Variants in SET observed in about 807,000 individuals in gnomAD.
SET encodes protein SET.
A neutral mutation model predicts 39.0 loss-of-function variants in SET; 4 were observed. The observed-to-expected ratio is 0.10, with a 90% confidence interval of 0.05 to 0.23. SET has a LOEUF of 0.23. Ranked by LOEUF, SET falls within the 10% of genes least tolerant of loss-of-function variation. The pLI is 1.00. For missense variants in SET, 137 were observed against 329.7 expected, an observed-to-expected ratio of 0.42 and a Z score of 4.53; for synonymous variants, 114 against 115.9, an observed-to-expected ratio of 0.98 and a Z score of 0.11.
In SET at chr9:128,691,932, A is replaced by G; in HGVS notation, c.206A>G (p.Gln69Arg). Reference sequence around the variant, plus strand: ...AACAAACTCCGCCAACCATTTTTTCAGAAGAGGTCAGAATTGATCGCCAAA... The same window carrying G: ...AACAAACTCCGCCAACCATTTTTTCGGAAGAGGTCAGAATTGATCGCCAAA... Reference protein sequence around the residue: ...KYNKLRQPFFQKRSELIAKIP... With the variant: ...KYNKLRQPFFRKRSELIAKIP... Residue 69 changes from glutamine to arginine, a missense_variant, in exon 3 of 8, where the codon CAG becomes CGG. By Grantham distance (43) the Gln-to-Arg change is conservative. Around this residue, in one of 3 missense-constraint regions of SET, gnomAD observed 59 missense variants for 237.2 expected, o/e 0.25. Coordinates refer to ENST00000322030, the MANE Select transcript of SET (RefSeq NM_003011.4). The G allele has an allele frequency of 6.2e-7, 1 of 1,613,810 alleles. No individual in the cohort carries two copies.
At chr9:128,688,260 G>T (rs1861356228), upstream of SET, among the ~76,000 whole-genome samples, 1 of 152,182 alleles carries the variant, frequency 6.6e-6, no homozygotes, top group Admixed American at 6.5e-5. Context: ...GGCTTTTTAT[G>T]GTTCATGTCT....
At chr9:128,685,698 C>T (rs1861258762), upstream of SET, among the ~76,000 whole-genome samples, 1 of 152,202 alleles carries the variant, frequency 6.6e-6, no homozygotes, top group Non-Finnish European at 1.5e-5. Context: ...CAGCCTCTCT[C>T]TGTTCCAGTC....
At position 128,696,334 on chromosome 9, in the gene SET, T is replaced by C. The variant is rs1435115029; in HGVS notation, c.*1670T>C. ...TCTGCACAGGTCTCTGTTTAGTAAA[T>C]ACATCACTGTATACCGATCAGGAAT... is the stretch of plus-strand genomic sequence containing the variant. On this transcript the variant is annotated 3_prime_UTR_variant, in exon 8 of 8. Transcript: ENST00000322030. The C allele has an allele frequency of 3.7e-5, 7 of 186,918 alleles. No individual in the cohort carries two copies. The highest frequency in any genetic ancestry group is 8.0e-5 in the Non-Finnish European group (7 of 87,832). The allele number at this position is 186,918 out of a possible 1,614,324, so 11.6% of individuals were successfully genotyped here.
At position 128,692,778 on chromosome 9, in the gene SET, AACTT is replaced by A; in HGVS notation, c.378+15_378+18del. ...CAGAATAGATTTTGTAAGTATCTCT[AACTT>A]AATCTTGTTTGCCACTGTGGAAATT... On this transcript the variant is annotated intron_variant, in intron 4 of 7. Transcript: ENST00000322030. 2 of 1,570,818 alleles carry A rather than the reference AACTT, an allele frequency of 1.3e-6. No individual in the cohort carries two copies. Among genetic ancestry groups the A allele is most frequent in the Non-Finnish European group, 1.8e-6 (2 of 1,140,618 alleles).
upstream of SET, among the ~76,000 whole-genome samples, chr9:128,688,687 G>C (rs1044344431): frequency 2.6e-5 from 4 of 152,220 alleles, no homozygotes; most frequent in Non-Finnish European, 4.4e-5. Flanking sequence ...ACCCAGGAAT[G>C]GCCCTGCGCG....
In SET at chr9:128,691,820, A is replaced by T. The variant is rs76852549; in HGVS notation, c.132-38A>T. The T allele has an allele frequency of 4.3e-4, 676 of 1,579,994 alleles. 1 individual carries two copies. The African/African-American group carries it at 8.3e-3, about 19-fold the overall frequency. ...CTCAACCAATTTTTTAATTTGTTAA[A>T]TACTATCATTGTCAACATCTCTTTT... On this transcript the variant is annotated intron_variant, in intron 2 of 7. Coordinates refer to ENST00000322030, the MANE Select transcript of SET (RefSeq NM_003011.4).
chr9:128,690,886 T>A (rs920092339), intron 1 of SET, among the ~76,000 whole-genome samples: 1 of 152,240 alleles, frequency 6.6e-6, no homozygotes, highest in African/African-American at 2.4e-5. Context: ...TCTGTGTCTT[T>A]CATAGTAGAA....
chr9:128,696,381 A>G lies in SET; in HGVS notation c.*1717A>G, dbSNP rs1372404109. On this transcript the variant is annotated 3_prime_UTR_variant, in exon 8 of 8. Coordinates refer to ENST00000322030, the MANE Select transcript of SET (RefSeq NM_003011.4). Reference sequence around the variant, plus strand: ...GAATCTTGCTCCAATAAAGGAACATAAAGATTTTTTTTGGACTGGGGTCAT... The same window carrying G: ...GAATCTTGCTCCAATAAAGGAACATGAAGATTTTTTTTGGACTGGGGTCAT... 2.2e-5 allele frequency: 4 copies of G among 180,532 alleles called. No homozygotes were observed. The highest frequency in any genetic ancestry group is 1.8e-4 in the East Asian group (2 of 11,006). 11.2% of individuals were successfully genotyped at this position (180,532 alleles called of 1,614,324 possible). A position where few individuals can be genotyped will look rare whatever the true frequency, so the allele number is the denominator to read the frequency against.
At chr9:128,694,110 A>ATG (rs889015798) in intron 7 of SET, 68 bp downstream of exon 7, 4 of 1,299,120 alleles carry the variant, frequency 3.1e-6, no homozygotes, top group African/African-American at 3.0e-5. Context: ...TGGGGTGTAT[A>ATG]TATATATATA....
rs763009726 is a variant in SET at position 128,692,945 on chromosome 9, T to C, written c.456T>C (p.Ser152=). The change falls in exon 5 of 8, where the codon TCT becomes TCC. Residue 152 remains serine, a synonymous_variant. Transcript: ENST00000322030. ...ATCTGAATGAGAGTGGTGATCCATC[T>C]TCGAAGTCCACCGAAATCAAATGGA... The part of the protein sequence containing the change: ...EFHLNESGDP[S]SKSTEIKWKS... The C allele has an allele frequency of 4.4e-6, 7 of 1,605,794 alleles. No homozygotes were observed. Among genetic ancestry groups the C allele is most frequent in the Non-Finnish European group, 6.0e-6 (7 of 1,173,042 alleles).
upstream of SET, among the ~76,000 whole-genome samples, chr9:128,688,434 T>C (rs1861362855): frequency 1.3e-5 from 2 of 152,160 alleles, no homozygotes; most frequent in Admixed American, 6.5e-5. Context: ...CGCTTGGGGC[T>C]GTTGTGAGGC....
Position 128,689,553 on chromosome 9 carries a change from C to A in SET, c.-30C>A. 2 of 1,285,398 alleles carry A rather than the reference C, an allele frequency of 1.6e-6. No homozygotes were observed. The highest frequency in any genetic ancestry group is 3.4e-5 in the East Asian group (1 of 29,800). The allele number at this position is 1,285,398 out of a possible 1,614,324, so 79.6% of individuals were successfully genotyped here. Reference sequence around the variant, plus strand: ...TTCGCCTTCCCTTCTCTCCCCCTCCCCGCTCCCCCCCCGACCGCGGAGCAG... The same window carrying A: ...TTCGCCTTCCCTTCTCTCCCCCTCCACGCTCCCCCCCCGACCGCGGAGCAG... On this transcript the variant is annotated 5_prime_UTR_variant, in exon 1 of 8. Transcript: ENST00000322030.
At chr9:128,692,153 G>A (rs563467010) in intron 3 of SET, among the ~76,000 whole-genome samples, 153 bp downstream of exon 3, 9 of 152,086 alleles carry the variant, frequency 5.9e-5, no homozygotes, top group Non-Finnish European at 1.0e-4. Context: ...TTGGGAGGCC[G>A]AGGTGGGTGG....
In SET at chr9:128,693,925, A is replaced by T. The variant is rs150020269; in HGVS notation, c.693A>T (p.Glu231Asp). ...LVPDMDDEEG[E>D]GEEDDDDDEE... ...CCGATATGGATGATGAAGAAGGAGA[A>T]GGAGAAGAAGATGATGATGATGATG... The change falls in exon 7 of 8, where the codon GAA (glutamate) becomes GAT (aspartate). Residue 231 changes from glutamate to aspartate, a missense_variant. Glu to Asp is a conservative substitution (Grantham distance 45). Transcript: ENST00000322030. 6.3e-7 allele frequency: 1 copy of T among 1,586,432 alleles called. No homozygotes were observed. The highest frequency in any genetic ancestry group is 2.2e-5 in the East Asian group (1 of 44,704).
At chr9:128,691,795 C>T in intron 2 of SET, 63 bp from the exon 3 acceptor site, 2 of 1,497,504 alleles carry the variant, frequency 1.3e-6, no homozygotes, top group Non-Finnish European at 1.8e-6. Context: ...ACTCTGTAAT[C>T]TCAACCAATT....
intron 5 of SET, among the ~76,000 whole-genome samples, chr9:128,693,267 G>A (rs988663333): frequency 6.6e-6 from 1 of 152,134 alleles, no homozygotes; most frequent in African/African-American, 2.4e-5. Flanking sequence ...CCAAGTTTAA[G>A]AATTGAGAAC....
chr9:128,692,338 A>T (rs1264543706), intron 3 of SET: 1 of 225,418 alleles, frequency 4.4e-6, no homozygotes, highest in African/African-American at 2.6e-5. Flanking sequence ...GGGAGGTTGC[A>T]GTGAGCCGAG....
chr9:128,686,065 G>A (rs562533607), upstream of SET, among the ~76,000 whole-genome samples: 1 of 151,942 alleles, frequency 6.6e-6, no homozygotes, highest in African/African-American at 2.4e-5. Flanking sequence ...AGGAGGAGAG[G>A]AGAGAGGCAA....
chr9:128,696,068 G>A lies in SET; in HGVS notation c.*1404G>A, dbSNP rs1564364261. 4.5e-6 allele frequency: 1 copy of A among 223,578 alleles called. No homozygotes were observed. The highest frequency in any genetic ancestry group is 2.2e-5 in the African/African-American group (1 of 44,974). The allele number at this position is 223,578 out of a possible 1,614,324, so 13.8% of individuals were successfully genotyped here. A position where few individuals can be genotyped will look rare whatever the true frequency, so the allele number is the denominator to read the frequency against. On this transcript the variant is annotated 3_prime_UTR_variant, in exon 8 of 8. Coordinates refer to ENST00000322030, the MANE Select transcript of SET (RefSeq NM_003011.4). ...TCTCAAATGTGACCATGTGAATCTG[G>A]GTGGGATAATGGACTCAGCTCTGTC...
Sources: allele counts gnomAD v4.1 joint callset (sites outside exome capture counted in the v4.1 genomes callset), GRCh38; gene constraint gnomAD v4.1.1; regional missense constraint gnomAD v4.1.1; transcripts MANE v1.5; gene names NCBI Gene and HGNC (gene_info 2026-07-23, HGNC 2026-07-21).